Variants in HIKESHI observed in about 807,000 individuals in gnomAD.
HIKESHI encodes heat shock protein nuclear import factor hikeshi, also known as protein Hikeshi.
HIKESHI carries 13 observed loss-of-function variants against 25.7 expected under a neutral mutation model. The observed-to-expected ratio is 0.51, with a 90% CI of 0.33 to 0.80. The LOEUF (loss-of-function observed/expected upper bound fraction) is 0.80, where lower values mean the gene tolerates loss of function less well. Ranked by LOEUF, HIKESHI falls within the 30% of genes least tolerant of loss-of-function variation. The pLI, the probability that HIKESHI is intolerant of heterozygous loss-of-function variation, is 0.02. For missense variants in HIKESHI, 174 were observed against 229.5 expected, an observed-to-expected ratio of 0.76 and a Z score of 1.56; for synonymous variants, 76 against 78.7, an observed-to-expected ratio of 0.97 and a Z score of 0.18.
rs553735174 is a variant in HIKESHI, at chr11:86,311,255, T to G, written c.268+4773T>G. On this transcript the variant is annotated intron_variant, in intron 2 of 4. Transcript: ENST00000278483. ...ATTTCAGAGCCTGTTATTGGTCTAT[T>G]CAGGGATTCAACTTCTTCCTGGTTT... 2.5e-3 allele frequency among the ~76,000 whole-genome samples: 380 copies of G among 152,328 alleles called. 3 individuals are homozygous for G. Among genetic ancestry groups the G allele is most frequent in the Non-Finnish European group, 4.5e-3 (307 of 68,032 alleles).
intron 2 of HIKESHI, among the ~76,000 whole-genome samples, chr11:86,327,488 G>A (rs1947314207): frequency 2.0e-5 from 3 of 152,126 alleles, no homozygotes; most frequent in African/African-American, 7.2e-5. Flanking sequence ...CTAATTTTTT[G>A]TATTTTTAGT....
intron 3 of HIKESHI, among the ~76,000 whole-genome samples, chr11:86,341,503 C>CT (rs1947730579): frequency 7.9e-5 from 8 of 101,862 alleles, no homozygotes; most frequent in African/African-American, 1.4e-4. Context: ...TTTTTTTTTT[C>CT]TTTTTTTTTG....
chr11:86,324,074 C>T lies in HIKESHI; in HGVS notation c.269-13305C>T, dbSNP rs529659101. The T allele has an allele frequency of 3.9e-5, 6 of 152,032 alleles. No individual in the cohort carries two copies. The South Asian group carries it at 8.3e-4, about 21-fold the overall frequency. The allele number at this position is 152,032 out of a possible 1,614,324, so 9.4% of individuals were successfully genotyped here. ...CAGTGGCTATATACAGATATGATCC[C>T]GCTATTGATCAGCATGAAGTTTTGA... On this transcript the variant is annotated intron_variant, in intron 2 of 4. Coordinates refer to ENST00000278483, the MANE Select transcript of HIKESHI (RefSeq NM_016401.4).
intron 2 of HIKESHI, among the ~76,000 whole-genome samples, chr11:86,332,843 A>G (rs1383886747): frequency 6.6e-6 from 1 of 152,234 alleles, no homozygotes; most frequent in Non-Finnish European, 1.5e-5. Context: ...AGGTTGTGGG[A>G]CCGATTTGGC....
chr11:86,317,517 A>G (rs1593829466), intron 2 of HIKESHI, among the ~76,000 whole-genome samples: 1 of 152,216 alleles, frequency 6.6e-6, no homozygotes, highest in African/African-American at 2.4e-5. Flanking sequence ...AAAAGGTTGA[A>G]TCAAGGGCTG....
chr11:86,317,257 G>A (rs992953765), intron 2 of HIKESHI, among the ~76,000 whole-genome samples: 8 of 152,126 alleles, frequency 5.3e-5, no homozygotes, highest in Non-Finnish European at 8.8e-5. Flanking sequence ...GTATTTCTAA[G>A]AGGTTCAGTG....
chr11:86,321,534 CA>C (rs1326337986), intron 2 of HIKESHI, among the ~76,000 whole-genome samples: 5 of 145,408 alleles, frequency 3.4e-5, no homozygotes, highest in African/African-American at 1.1e-4. Context: ...TTTTGTTTTA[CA>C]TTTTTTTTTT....
At chr11:86,340,686 C>G (rs868449340) in intron 3 of HIKESHI, among the ~76,000 whole-genome samples, 3 of 152,150 alleles carry the variant, frequency 2.0e-5, no homozygotes, top group South Asian at 4.1e-4. Flanking sequence ...CACTCTGTTG[C>G]CCAGGCTGGA....
At chr11:86,337,081 T>C (rs908430062) in intron 2 of HIKESHI, among the ~76,000 whole-genome samples, 1 of 152,212 alleles carries the variant, frequency 6.6e-6, no homozygotes, top group African/African-American at 2.4e-5. Flanking sequence ...AAAGGGAGTC[T>C]TCTCTATTAA....
chr11:86,328,591 C>T (rs1218950577), intron 2 of HIKESHI, among the ~76,000 whole-genome samples: 2 of 151,964 alleles, frequency 1.3e-5, no homozygotes, highest in African/African-American at 4.8e-5. Flanking sequence ...TTACAGGTAA[C>T]TGCCACCACG....
chr11:86,306,205 C>G, intron 1 of HIKESHI, 40 bp from the exon 2 acceptor site: 1 of 1,349,352 alleles, frequency 7.4e-7, no homozygotes, highest in African/African-American at 1.4e-5. Flanking sequence ...TACAGAAACT[C>G]ATAGAACCAT....
intron 2 of HIKESHI, chr11:86,324,458 A>G (rs1027912569): frequency 6.6e-6 from 1 of 152,230 alleles, no homozygotes; most frequent in Non-Finnish European, 1.5e-5. Context: ...GCAACTTAAT[A>G]TATTTAGAGA....
At chr11:86,313,428 C>T (rs997082972) in intron 2 of HIKESHI, among the ~76,000 whole-genome samples, 33 of 152,190 alleles carry the variant, frequency 2.2e-4, no homozygotes, top group African/African-American at 7.7e-4. Context: ...GATGGGGTTT[C>T]ACCATGTCAG....
At chr11:86,325,291 G>A (rs188753884) in intron 2 of HIKESHI, among the ~76,000 whole-genome samples, 1,660 of 152,226 alleles carry the variant, frequency 0.011, 13 homozygotes, top group Non-Finnish European at 0.018. Context: ...TTGTTGGAGA[G>A]GTCAAGAGAG....
intron 2 of HIKESHI, among the ~76,000 whole-genome samples, chr11:86,309,875 G>GGTT (rs1015424966): frequency 2.3e-4 from 35 of 152,232 alleles, no homozygotes; most frequent in African/African-American, 7.9e-4. Flanking sequence ...AAGATCAGAT[G>GGTT]GTTGTAGATG....
intron 2 of HIKESHI, among the ~76,000 whole-genome samples, chr11:86,323,336 T>C (rs1947197292): frequency 6.6e-6 from 1 of 152,176 alleles, no homozygotes; most frequent in Non-Finnish European, 1.5e-5. Context: ...ACAAACGTGA[T>C]ATCAGTTGGA....
At chr11:86,309,031 C>T (rs1178030770) in intron 2 of HIKESHI, among the ~76,000 whole-genome samples, 1 of 152,040 alleles carries the variant, frequency 6.6e-6, no homozygotes, top group Non-Finnish European at 1.5e-5. Context: ...AGTAAACATA[C>T]ACGTGCATGT....
At chr11:86,317,797 C>CA in intron 2 of HIKESHI, among the ~76,000 whole-genome samples, 1 of 151,278 alleles carries the variant, frequency 6.6e-6, no homozygotes, top group East Asian at 2.0e-4. Context: ...AGAAAAAAAA[C>CA]AAAAACGAAA....
At chr11:86,306,205 C>T (rs756033540) in intron 1 of HIKESHI, 40 bp from the exon 2 acceptor site, 2 of 1,349,352 alleles carry the variant, frequency 1.5e-6, no homozygotes, top group Non-Finnish European at 1.1e-6. Context: ...TACAGAAACT[C>T]ATAGAACCAT....
Sources: gnomAD v4.1 joint callset for allele counts (sites outside exome capture counted in the v4.1 genomes callset) on GRCh38, gnomAD v4.1.1 for gene constraint, MANE v1.5 for transcripts, NCBI Gene and HGNC (gene_info 2026-07-23, HGNC 2026-07-21) for gene names.